The following FRAS1 variants were observed in gnomAD, a reference collection of about 807,000 sequenced individuals.
FRAS1 encodes extracellular matrix organizing protein FRAS1.
Under a neutral mutation model 435.2 loss-of-function variants are expected in FRAS1, and 290 were observed. That is an observed-to-expected ratio of 0.67 (90% CI 0.61 to 0.73). The LOEUF is 0.73. Among genes scored for constraint, FRAS1 ranks in the 30% least tolerant of loss-of-function variants. The pLI is 0.00. For missense variants in FRAS1, 4,860 were observed against 5,001.5 expected (o/e 0.97, Z 0.85); for synonymous variants, 1,800 against 1,851.0 (o/e 0.97, Z 0.71).
At chr4:78,187,007 G>A (rs1398505651) in intron 2 of FRAS1, among the ~76,000 whole-genome samples, 1 of 152,170 alleles carries the variant, frequency 6.6e-6, no homozygotes, top group Non-Finnish European at 1.5e-5. Context: ...ATATTTTTGA[G>A]GGAATGCATG....
intron 40 of FRAS1, 141 bp downstream of exon 40, chr4:78,439,205 G>C: frequency 1.5e-6 from 1 of 680,690 alleles, no homozygotes; most frequent in Non-Finnish European, 2.5e-6. Flanking sequence ...GATATGCATG[G>C]TTTTCAATCA....
At chr4:78,208,077 G>T (rs1212957440) in intron 2 of FRAS1, among the ~76,000 whole-genome samples, 1 of 152,150 alleles carries the variant, frequency 6.6e-6, no homozygotes, top group Non-Finnish European at 1.5e-5. Flanking sequence ...TACTGTGCTG[G>T]TATCCACAGC....
chr4:78,449,660 C>G (rs1718959828), intron 44 of FRAS1, among the ~76,000 whole-genome samples: 1 of 152,166 alleles, frequency 6.6e-6, no homozygotes, highest in Non-Finnish European at 1.5e-5. Flanking sequence ...CTCCTTGCTC[C>G]TAACATCCTC....
At chr4:78,393,512 T>TTGG in intron 29 of FRAS1, among the ~76,000 whole-genome samples, 1 of 152,122 alleles carries the variant, frequency 6.6e-6, no homozygotes, top group Non-Finnish European at 1.5e-5. Context: ...AGATTCCACA[T>TTGG]ATAAGCAAGA....
intron 2 of FRAS1, among the ~76,000 whole-genome samples, chr4:78,113,944 G>C (rs1216097075): frequency 6.6e-6 from 1 of 152,130 alleles, no homozygotes; most frequent in African/African-American, 2.4e-5. Flanking sequence ...TTTTCTTCTA[G>C]GGTTTTTATG....
At chr4:78,139,519 T>A (rs1162832564) in intron 2 of FRAS1, among the ~76,000 whole-genome samples, 1 of 152,180 alleles carries the variant, frequency 6.6e-6, no homozygotes, top group Non-Finnish European at 1.5e-5. Flanking sequence ...ATCTTTCAAC[T>A]CTTACTTCCA....
At chr4:78,506,390 C>A (rs1720842529) in intron 61 of FRAS1, among the ~76,000 whole-genome samples, 1 of 152,236 alleles carries the variant, frequency 6.6e-6, no homozygotes, top group South Asian at 2.1e-4. Context: ...CCTTCCTGAG[C>A]TGTGGTGGGC....
chr4:78,298,307 A>G (rs1400527413), intron 14 of FRAS1, among the ~76,000 whole-genome samples: 4 of 150,864 alleles, frequency 2.7e-5, no homozygotes, highest in Non-Finnish European at 5.9e-5. Context: ...GTATATATAT[A>G]TATGCACACA....
chr4:78,267,894 A>G (rs1726448774), intron 9 of FRAS1, among the ~76,000 whole-genome samples: 5 of 152,164 alleles, frequency 3.3e-5, no homozygotes, highest in Admixed American at 3.3e-4. Context: ...TCAGGAAAAA[A>G]CATAACATGC....
chr4:78,315,930 A>G, intron 16 of FRAS1, among the ~76,000 whole-genome samples, 196 bp downstream of exon 16: 1 of 152,206 alleles, frequency 6.6e-6, no homozygotes, highest in Non-Finnish European at 1.5e-5. Context: ...CTGGGGGACT[A>G]GAGTGCTTTC....
intron 2 of FRAS1, among the ~76,000 whole-genome samples, chr4:78,215,981 T>C (rs1723753188): frequency 6.6e-6 from 1 of 152,256 alleles, no homozygotes; most frequent in Non-Finnish European, 1.5e-5. Context: ...CTTCTTCTTA[T>C]TTTTGGCATC....
intron 2 of FRAS1, among the ~76,000 whole-genome samples, chr4:78,196,072 A>T (rs1425176723): frequency 6.6e-6 from 1 of 151,468 alleles, no homozygotes; most frequent in East Asian, 1.9e-4. Context: ...CAGTGGCAAG[A>T]TCTCGGCTCA....
chr4:78,233,002 A>C (rs975092197), intron 2 of FRAS1, among the ~76,000 whole-genome samples: 1 of 152,250 alleles, frequency 6.6e-6, no homozygotes, highest in African/African-American at 2.4e-5. Context: ...TTTGTGAATG[A>C]AAGAATGAAA....
chr4:78,346,850 C>T (rs1207786437), intron 20 of FRAS1, among the ~76,000 whole-genome samples: 1 of 152,162 alleles, frequency 6.6e-6, no homozygotes, highest in Non-Finnish European at 1.5e-5. Context: ...GAGCTGATCT[C>T]TCCACTCAGG....
At chr4:78,423,875 T>C (rs1733896427) in intron 34 of FRAS1, among the ~76,000 whole-genome samples, 1 of 152,206 alleles carries the variant, frequency 6.6e-6, no homozygotes, top group Admixed American at 6.5e-5. Context: ...CAGCCGTGGT[T>C]GAAGTCATCC....
At position 78,117,361 on chromosome 4, in the gene FRAS1, A is replaced by G. The variant is rs971326101; in HGVS notation, c.108+51345A>G. Among the ~76,000 whole-genome samples the G allele has an allele frequency of 3.9e-5, 6 of 152,118 alleles. No homozygotes were observed. The East Asian group carries it at 7.7e-4, about 20-fold the overall frequency. On this transcript the variant is annotated intron_variant, in intron 2 of 73. Coordinates refer to ENST00000512123, the MANE Select transcript of FRAS1 (RefSeq NM_025074.7). ...CTTTGTGGCGTTCTCTATATTTCCT[A>G]CATTTGAATGTTGGCCTGCCTTGCT...
In FRAS1 at chr4:78,440,120, T is replaced by C. The variant is rs576535661; in HGVS notation, c.5530-1042T>C. On this transcript the variant is annotated intron_variant, in intron 40 of 73. Transcript: ENST00000512123. ...ATCTCGGCTCACTGCAAGCTCCGCT[T>C]CCCGGGTTCACGCCATTCTCCTGCC... 4.7e-5 allele frequency among the ~76,000 whole-genome samples: 7 copies of C among 150,524 alleles called. No homozygotes were observed. In the South Asian group the frequency reaches 1.5e-3, roughly 32 times the overall value.
In FRAS1 at chr4:78,252,471, G is replaced by T. The variant is rs749882801; in HGVS notation, c.389G>T (p.Cys130Phe). The T allele has an allele frequency of 3.3e-5, 53 of 1,613,414 alleles. No homozygotes were observed. Among genetic ancestry groups the T allele is most frequent in the Non-Finnish European group, 4.2e-5 (49 of 1,179,808 alleles). The change falls in exon 5 of 74, where the codon TGC (cysteine) becomes TTC (phenylalanine). Residue 130 changes from cysteine to phenylalanine, a missense_variant. Physicochemically the swap from Cys to Phe is radical, Grantham distance 205. Coordinates refer to ENST00000512123, the MANE Select transcript of FRAS1 (RefSeq NM_025074.7). ...HGEVRCTPQP[C>F]PPLSCGHQEL... The stretch of plus-strand genomic sequence containing the variant: ...GAAGTCCGATGTACCCCCCAACCAT[G>T]CCCACCGCTGTCATGTGGACACCAG...
intron 37 of FRAS1, 53 bp from the exon 38 acceptor site, chr4:78,432,304 A>C: frequency 6.6e-7 from 1 of 1,513,568 alleles, no homozygotes; most frequent in Non-Finnish European, 8.9e-7. Context: ...CTATATAATG[A>C]AAAGCATTAT....
Sources: allele counts gnomAD v4.1 joint callset (sites outside exome capture counted in the v4.1 genomes callset), GRCh38; gene constraint gnomAD v4.1.1; transcripts MANE v1.5; gene names NCBI Gene and HGNC (gene_info 2026-07-23, HGNC 2026-07-21).